The following DOCK7 variants were observed in gnomAD, a reference collection of about 807,000 sequenced individuals.
DOCK7 encodes the protein dedicator of cytokinesis protein 7.
DOCK7 carries 138 observed loss-of-function variants against 271.0 expected under a neutral mutation model. The observed-to-expected ratio is 0.51, with a 90% CI of 0.44 to 0.59. The LOEUF is 0.59. Ranked by LOEUF, DOCK7 falls within the 20% of genes least tolerant of loss-of-function variation. The probability of loss-of-function intolerance (pLI) is 0.00; values close to 1 mark genes in which losing one functional copy is unlikely to be tolerated. For synonymous variants in DOCK7, 823 were observed against 876.1 expected, an observed-to-expected ratio of 0.94 and a Z score of 1.07; for missense variants, 2,066 against 2,592.4, an observed-to-expected ratio of 0.80 and a Z score of 4.41.
chr1:62,466,902 C>T (rs1247197915), intron 48 of DOCK7, among the ~76,000 whole-genome samples: 1 of 151,476 alleles, frequency 6.6e-6, no homozygotes, highest in Non-Finnish European at 1.5e-5. Context: ...TGGGTGACAG[C>T]GAGATTCTGT....
chr1:62,577,574 CA>C (rs1392944540), intron 17 of DOCK7, among the ~76,000 whole-genome samples: 3 of 151,838 alleles, frequency 2.0e-5, no homozygotes, highest in South Asian at 2.1e-4. Flanking sequence ...AGGATATCAC[CA>C]AAACATTATT....
chr1:62,520,611 T>G (rs1168802430), intron 31 of DOCK7, among the ~76,000 whole-genome samples: 1 of 152,142 alleles, frequency 6.6e-6, no homozygotes, highest in Non-Finnish European at 1.5e-5. Context: ...CAACAGATGC[T>G]GGAAAGGATG....
chr1:62,593,054 CTATAGA>C, intron 14 of DOCK7, among the ~76,000 whole-genome samples: 1 of 152,036 alleles, frequency 6.6e-6, no homozygotes, highest in Non-Finnish European at 1.5e-5. Context: ...CGTGGTAACT[CTATAGA>C]CATTCATAGG....
At chr1:62,646,391 G>A (rs575160895) in intron 7 of DOCK7, among the ~76,000 whole-genome samples, 1 of 152,208 alleles carries the variant, frequency 6.6e-6, no homozygotes, top group Non-Finnish European at 1.5e-5. Flanking sequence ...GGTATGAAAT[G>A]TATCATCCCC....
At chr1:62,684,105 T>C (rs1661466589) in intron 1 of DOCK7, among the ~76,000 whole-genome samples, 1 of 151,488 alleles carries the variant, frequency 6.6e-6, no homozygotes, top group African/African-American at 2.4e-5. Flanking sequence ...CTGGGCGTGG[T>C]GACGAGGACA....
At chr1:62,522,546 A>T (rs1426299958) in intron 31 of DOCK7, among the ~76,000 whole-genome samples, 2 of 152,278 alleles carry the variant, frequency 1.3e-5, no homozygotes, top group African/African-American at 4.8e-5. Flanking sequence ...CTTCCACAAT[A>T]AAGGAAGGTA....
intron 2 of DOCK7, among the ~76,000 whole-genome samples, chr1:62,657,275 G>A (rs752955821): frequency 1.3e-5 from 2 of 152,146 alleles, no homozygotes; most frequent in Non-Finnish European, 2.9e-5. Flanking sequence ...TGGTCCAGTA[G>A]AAGTGGGAAC....
At chr1:62,541,422 A>G (rs1281712300) in intron 25 of DOCK7, among the ~76,000 whole-genome samples, 1 of 152,168 alleles carries the variant, frequency 6.6e-6, no homozygotes, top group African/African-American at 2.4e-5. Context: ...GAACTGCATG[A>G]GTCCACTTAT....
At position 62,539,760 on chromosome 1, in the gene DOCK7, A is replaced by G. The variant is rs1180093668; in HGVS notation, c.3178T>C (p.Phe1060Leu). The G allele has an allele frequency of 6.2e-7, 1 of 1,612,972 alleles. No homozygotes were observed. ...GAAAAAGTTATCATTACCTTCTGAA[A>G]TCGTGAAACTATATCACTAGCAATC... Reference protein sequence around the residue: ...STIASDIVSRFQKDTEMVERL... With the variant: ...STIASDIVSRLQKDTEMVERL... The change falls in exon 26 of 50, where the codon TTT becomes CTT. Residue 1060 changes from phenylalanine (F) to leucine (L), a missense_variant. By Grantham distance (22) the Phe-to-Leu change is conservative. Around this residue, in one of 2 missense-constraint regions of DOCK7, gnomAD observed 1,414 missense variants for 1,670.4 expected, o/e 0.85. Transcript: ENST00000635253.
At chr1:62,494,506 TC>T in intron 39 of DOCK7, 39 bp from the exon 40 acceptor site, 5 of 1,558,992 alleles carry the variant, frequency 3.2e-6, no homozygotes, top group Non-Finnish European at 4.4e-6. Context: ...AGTATGTGCT[TC>T]CCAAGCTGGG....
chr1:62,655,608 T>G (rs1657925337), intron 2 of DOCK7, among the ~76,000 whole-genome samples: 1 of 152,010 alleles, frequency 6.6e-6, no homozygotes, highest in Admixed American at 6.6e-5. Context: ...TGTTTTTTTG[T>G]AGAGACAGGG....
At position 62,535,583 on chromosome 1, in the gene DOCK7, A is replaced by C. The variant is rs1571441335; in HGVS notation, c.3521T>G (p.Phe1174Cys). Residue 1174 changes from phenylalanine to cysteine, a missense_variant, in exon 29 of 50, where the codon TTT becomes TGT. Physicochemically the swap from Phe to Cys is radical, Grantham distance 205. Coordinates refer to ENST00000635253, the MANE Select transcript of DOCK7 (RefSeq NM_001367561.1). ...NVQDQKIANM[F>C]ELSVPFRQQH... ...TTGGCGGAAAGGCACGGATAATTCA[A>C]ACATATTTGCAATCTTTTGGTCTTG... is the stretch of plus-strand genomic sequence containing the variant. 1 of 1,614,046 alleles carries C rather than the reference A, an allele frequency of 6.2e-7. No homozygotes were observed. The highest frequency in any genetic ancestry group is 8.5e-7 in the Non-Finnish European group (1 of 1,179,960).
chr1:62,561,750 G>T, intron 18 of DOCK7, 47 bp from the exon 19 acceptor site: 1 of 1,234,486 alleles, frequency 8.1e-7, no homozygotes, highest in South Asian at 1.6e-5. Flanking sequence ...AGTAGATTAT[G>T]AACTCTGAAA....
At chr1:62,469,902 A>T (rs966000526) in intron 48 of DOCK7, among the ~76,000 whole-genome samples, 1 of 90,886 alleles carries the variant, frequency 1.1e-5, no homozygotes, top group African/African-American at 3.5e-5. Context: ...CATAATCAAA[A>T]ACTCAAAAAA....
chr1:62,476,184 T>C, intron 44 of DOCK7, 28 bp from the exon 45 acceptor site: 4 of 1,591,984 alleles, frequency 2.5e-6, no homozygotes, highest in South Asian at 2.2e-5. Context: ...AAACATTTTA[T>C]ATGAAGTTAA....
chr1:62,591,162 C>A (rs926302123), intron 14 of DOCK7, among the ~76,000 whole-genome samples: 1 of 152,072 alleles, frequency 6.6e-6, no homozygotes, highest in Non-Finnish European at 1.5e-5. Context: ...GAATACCATG[C>A]AGCCATAAAA....
intron 25 of DOCK7, among the ~76,000 whole-genome samples, chr1:62,540,640 T>C (rs1487042499): frequency 6.6e-6 from 1 of 152,176 alleles, no homozygotes; most frequent in African/African-American, 2.4e-5. Flanking sequence ...ATGAGGACTA[T>C]ATTGTATTGT....
chr1:62,533,565 A>G (rs1384724018), intron 29 of DOCK7, among the ~76,000 whole-genome samples: 2 of 151,812 alleles, frequency 1.3e-5, no homozygotes, highest in Non-Finnish European at 2.9e-5. Flanking sequence ...GTCTGCACAC[A>G]CACTGCCCAC....
chr1:62,473,241 A>G (rs1160397066), intron 48 of DOCK7, among the ~76,000 whole-genome samples: 1 of 152,172 alleles, frequency 6.6e-6, no homozygotes, highest in East Asian at 1.9e-4. Context: ...GGATCATAGA[A>G]ATTAAGTGAC....
Sources: gnomAD v4.1 joint callset for allele counts (sites outside exome capture counted in the v4.1 genomes callset) on GRCh38, gnomAD v4.1.1 for gene constraint, gnomAD v4.1.1 regional missense constraint, MANE v1.5 for transcripts, NCBI Gene and HGNC (gene_info 2026-07-23, HGNC 2026-07-21) for gene names.